The following YTHDC1 variants were observed in gnomAD, a reference collection of about 807,000 sequenced individuals.
YTHDC1 encodes the protein YTH N6-methyladenosine RNA binding protein C1.
A neutral mutation model predicts 107.0 loss-of-function variants in YTHDC1; 12 were observed. That is an observed-to-expected ratio of 0.11 (90% CI 0.07 to 0.18). The LOEUF is 0.18. Among genes scored for constraint, YTHDC1 ranks in the 10% least tolerant of loss-of-function variants. The probability of loss-of-function intolerance (pLI) is 1.00; values close to 1 mark genes in which losing one functional copy is unlikely to be tolerated. For synonymous variants in YTHDC1, 280 were observed against 289.5 expected, an observed-to-expected ratio of 0.97 and a Z score of 0.33; for missense variants, 635 against 898.8, an observed-to-expected ratio of 0.71 and a Z score of 3.75.
chr4:68,344,879 C>A (rs960850712), intron 1 of YTHDC1, among the ~76,000 whole-genome samples: 4 of 151,958 alleles, frequency 2.6e-5, no homozygotes, highest in African/African-American at 9.7e-5. Flanking sequence ...CTACAAAAAA[C>A]ACAAAAATTA....
chr4:68,347,154 T>A (rs1417765531), intron 1 of YTHDC1, among the ~76,000 whole-genome samples: 1 of 152,200 alleles, frequency 6.6e-6, no homozygotes, highest in East Asian at 1.9e-4. Flanking sequence ...AGGGAGCTTC[T>A]AGTCTGGTAA....
intron 9 of YTHDC1, among the ~76,000 whole-genome samples, chr4:68,328,291 G>A (rs908424772): frequency 6.6e-6 from 1 of 152,092 alleles, no homozygotes; most frequent in Admixed American, 6.5e-5. Flanking sequence ...ACATTACAAC[G>A]TTTCCTCTGG....
chr4:68,332,254 T>A, intron 6 of YTHDC1, 57 bp from the exon 7 acceptor site: 1 of 1,216,250 alleles, frequency 8.2e-7, no homozygotes, highest in Non-Finnish European at 1.2e-6. Context: ...CACAAAGGGG[T>A]CAAAACTGTA....
At chr4:68,346,616 T>C (rs1429448196) in intron 1 of YTHDC1, among the ~76,000 whole-genome samples, 2 of 152,202 alleles carry the variant, frequency 1.3e-5, no homozygotes, top group African/African-American at 4.8e-5. Flanking sequence ...TCAACAAATA[T>C]TTGCATTGCA....
At chr4:68,321,676 T>C (rs1208312419) in intron 11 of YTHDC1, among the ~76,000 whole-genome samples, 1 of 152,152 alleles carries the variant, frequency 6.6e-6, no homozygotes, top group Non-Finnish European at 1.5e-5. Context: ...GGTTTCCTCC[T>C]ACCTACTCGA....
chr4:68,316,250 A>G (rs1377660868), intron 16 of YTHDC1, 64 bp downstream of exon 16: 10 of 1,530,508 alleles, frequency 6.5e-6, no homozygotes, highest in Admixed American at 1.9e-5. Flanking sequence ...TGGTCTCCCC[A>G]TATTTAAGTT....
Position 68,314,183 on chromosome 4 carries a change from ATCTCGCTCTCTG to A in YTHDC1, c.2088_2099del (p.Glu698_Arg701del), listed in dbSNP as rs759333551. 5 of 1,613,270 alleles carry A rather than the reference ATCTCGCTCTCTG, an allele frequency of 3.1e-6. No homozygotes were observed. Among genetic ancestry groups the A allele is most frequent in the Middle Eastern group, 1.6e-4 (1 of 6,084 alleles). On this transcript the variant is annotated inframe_deletion, in exon 17 of 17. Coordinates refer to ENST00000344157, the MANE Select transcript of YTHDC1 (RefSeq NM_001031732.4). Reference sequence around the variant, plus strand: ...TTTCTCTTTCTCTATCACGTCCTCTATCTCGCTCTCTGTCTCGTCTGTTATCTCTAGGGCGGT... The same window carrying A: ...TTTCTCTTTCTCTATCACGTCCTCTATCTCGTCTGTTATCTCTAGGGCGGT...
intron 16 of YTHDC1, among the ~76,000 whole-genome samples, 157 bp from the exon 17 acceptor site, chr4:68,314,480 CAAT>C (rs1721600529): frequency 6.6e-6 from 1 of 152,064 alleles, no homozygotes; most frequent in Admixed American, 6.6e-5. Context: ...CAAAGAAATG[CAAT>C]AATAAATTAA....
chr4:68,347,001 A>G (rs375558176), intron 1 of YTHDC1, among the ~76,000 whole-genome samples: 3 of 152,044 alleles, frequency 2.0e-5, no homozygotes, highest in South Asian at 4.2e-4. Flanking sequence ...AAACTGAGAA[A>G]CTCTTAGCTT....
chr4:68,314,001 G>T lies in YTHDC1; in HGVS notation c.*98C>A. On this transcript the variant is annotated 3_prime_UTR_variant, in exon 17 of 17. Coordinates refer to ENST00000344157, the MANE Select transcript of YTHDC1 (RefSeq NM_001031732.4). Reference sequence around the variant, plus strand: ...TCCTTCTACACAATGAACTTCATAGGCAGACAGCTGAAAATAAATTTACTA... The same window carrying T: ...TCCTTCTACACAATGAACTTCATAGTCAGACAGCTGAAAATAAATTTACTA... 1 of 1,208,952 alleles carries T rather than the reference G, an allele frequency of 8.3e-7. No individual in the cohort carries two copies. Among genetic ancestry groups the T allele is most frequent in the Admixed American group, 1.9e-5 (1 of 51,414 alleles). The allele number at this position is 1,208,952 out of a possible 1,614,324, so 74.9% of individuals were successfully genotyped here.
At chr4:68,320,096 A>T in intron 12 of YTHDC1, 27 bp downstream of exon 12, 2 of 1,534,602 alleles carry the variant, frequency 1.3e-6, no homozygotes, top group Non-Finnish European at 1.8e-6. Context: ...TTGAAATCAA[A>T]TATCTGCAGG....
intron 1 of YTHDC1, among the ~76,000 whole-genome samples, chr4:68,346,755 A>T (rs990146162): frequency 6.6e-6 from 1 of 152,222 alleles, no homozygotes; most frequent in Admixed American, 6.5e-5. Flanking sequence ...AAGAGTAGTG[A>T]TGATGGCATA....
rs1307746732 is a variant in YTHDC1, at chr4:68,337,065, T to A, written c.845A>T (p.Asp282Val). ...GCCTGAACCAGATCTGACAGACCCATCTGTGAAGGAAACAGATTCAGAACC... is the reference window on the plus strand; with the variant it reads ...GCCTGAACCAGATCTGACAGACCCAACTGTGAAGGAAACAGATTCAGAACC... ...DSGSESVSFT[D>V]GSVRSGSGTD... Residue 282 changes from aspartate (D) to valine (V), a missense_variant, in exon 4 of 17, where the codon GAT becomes GTT. Coordinates refer to ENST00000344157, the MANE Select transcript of YTHDC1 (RefSeq NM_001031732.4). The A allele has an allele frequency of 6.2e-7, 1 of 1,613,652 alleles. No individual in the cohort carries two copies. Among genetic ancestry groups the A allele is most frequent in the East Asian group, 2.2e-5 (1 of 44,886 alleles).
Position 68,322,553 on chromosome 4 carries a change from A to AT in YTHDC1, c.1601+195dup. 2 of 607,616 alleles carry AT rather than the reference A, an allele frequency of 3.3e-6. No individual in the cohort carries two copies. Among genetic ancestry groups the AT allele is most frequent in the South Asian group, 5.6e-5 (2 of 35,858 alleles). The allele number at this position is 607,616 out of a possible 1,614,324, so 37.6% of individuals were successfully genotyped here. A position where few individuals can be genotyped will look rare whatever the true frequency, so the allele number is the denominator to read the frequency against. On this transcript the variant is annotated intron_variant, in intron 11 of 16. Coordinates refer to ENST00000344157, the MANE Select transcript of YTHDC1 (RefSeq NM_001031732.4). This position sits in a 1 kb window ranked among gnomAD's most constrained non-coding sequence, Gnocchi z 4.8. ...TTTTTCTGCATAAGGAAAGATCCCCATTTTCCTCTTGAAAAATGACTGAGA... is the reference window on the plus strand; with the variant it reads ...TTTTTCTGCATAAGGAAAGATCCCCATTTTTCCTCTTGAAAAATGACTGAGA...
At chr4:68,334,533 T>C (rs941343220) in intron 4 of YTHDC1, among the ~76,000 whole-genome samples, 1 of 152,192 alleles carries the variant, frequency 6.6e-6, no homozygotes, top group Non-Finnish European at 1.5e-5. Flanking sequence ...GGATGTTTTA[T>C]ACTATTTTTG....
chr4:68,343,422 G>A (rs1034795859), intron 1 of YTHDC1, among the ~76,000 whole-genome samples: 5 of 148,152 alleles, frequency 3.4e-5, no homozygotes, highest in African/African-American at 5.0e-5. Flanking sequence ...GGCTGTTCTC[G>A]AACTCCTGAC....
At chr4:68,338,853 C>T (rs1474513370) in intron 1 of YTHDC1, among the ~76,000 whole-genome samples, 20 of 151,678 alleles carry the variant, frequency 1.3e-4, no homozygotes. Context: ...TCTCAAAATA[C>T]ACACACACAC....
At position 68,314,072 on chromosome 4, in the gene YTHDC1, T is replaced by TA. The variant is rs1721544837; in HGVS notation, c.*26dup. ...AAAAATACAAGATTTTTTGTATCTT[T>TA]AAACAATCAGTGCTTCCAAAAGCCC... On this transcript the variant is annotated 3_prime_UTR_variant, in exon 17 of 17. Transcript: ENST00000344157. The TA allele has an allele frequency of 1.2e-6, 2 of 1,601,120 alleles. No homozygotes were observed. The highest frequency in any genetic ancestry group is 3.5e-5 in the Admixed American group (2 of 57,546).
At chr4:68,323,214 A>C (rs1188889893) in intron 10 of YTHDC1, among the ~76,000 whole-genome samples, 1 of 152,222 alleles carries the variant, frequency 6.6e-6, no homozygotes, top group African/African-American at 2.4e-5. Flanking sequence ...CAAAATAGAA[A>C]AATATCAGGA....
Sources: gnomAD v4.1 joint callset for allele counts (sites outside exome capture counted in the v4.1 genomes callset) on GRCh38, gnomAD v4.1.1 for gene constraint, Gnocchi (gnomAD v3.1) non-coding constraint, MANE v1.5 for transcripts, NCBI Gene and HGNC (gene_info 2026-07-23, HGNC 2026-07-21) for gene names.